The following CNTNAP5 variants were observed in gnomAD, a reference collection of about 807,000 sequenced individuals.
The protein encoded by CNTNAP5 is contactin associated protein family member 5, also known as contactin-associated protein-like 5.
CNTNAP5 carries 72 observed loss-of-function variants against 150.2 expected under a neutral mutation model. That is an observed-to-expected ratio of 0.48 (90% confidence interval 0.40 to 0.58). The LOEUF is 0.58. Among genes scored for constraint, CNTNAP5 ranks in the 20% least tolerant of loss-of-function variants. The pLI is 0.00. For missense variants in CNTNAP5, 1,636 were observed against 1,626.2 expected (o/e 1.01, Z -0.10); for synonymous variants, 672 against 619.8 (o/e 1.08, Z -1.25).
At chr2:124,474,054 ACTAT>A (rs1693582219) in intron 6 of CNTNAP5, among the ~76,000 whole-genome samples, 1 of 152,012 alleles carries the variant, frequency 6.6e-6, no homozygotes, top group South Asian at 2.1e-4. Context: ...TTCCTCCCAG[ACTAT>A]GCTTTATGCT....
intron 1 of CNTNAP5, among the ~76,000 whole-genome samples, chr2:124,219,251 GA>G (rs1686241356): frequency 1.3e-5 from 2 of 151,998 alleles, no homozygotes; most frequent in South Asian, 4.1e-4. Context: ...AATTTTATAA[GA>G]AAAGATTTAG....
At chr2:124,597,341 G>T (rs914631395) in intron 11 of CNTNAP5, among the ~76,000 whole-genome samples, 2 of 149,990 alleles carry the variant, frequency 1.3e-5, no homozygotes, top group Non-Finnish European at 3.0e-5. Flanking sequence ...AGGCCTGGTG[G>T]TGACAAAATC....
At chr2:124,263,758 C>A (rs1687526054) in intron 3 of CNTNAP5, among the ~76,000 whole-genome samples, 1 of 152,140 alleles carries the variant, frequency 6.6e-6, no homozygotes, top group Non-Finnish European at 1.5e-5. Context: ...CCCAGGTTTT[C>A]TTCTAGGGAT....
chr2:124,786,318 A>G (rs969653542), intron 17 of CNTNAP5, among the ~76,000 whole-genome samples: 5 of 148,406 alleles, frequency 3.4e-5, no homozygotes, highest in African/African-American at 1.3e-4. Flanking sequence ...AAGAAGAAAG[A>G]AAGGAAGAAA....
intron 14 of CNTNAP5, among the ~76,000 whole-genome samples, chr2:124,758,744 A>G (rs7560538): frequency 0.62 from 94,462 of 151,740 alleles, 30,128 homozygotes; most frequent in East Asian, 0.96. Context: ...GCATGCAAGC[A>G]GAAAGAGTGG....
intron 11 of CNTNAP5, among the ~76,000 whole-genome samples, chr2:124,571,426 A>C (rs1368102850): frequency 2.6e-5 from 4 of 151,904 alleles, no homozygotes; most frequent in Non-Finnish European, 5.9e-5. Context: ...GTACTACGGA[A>C]AGTGTAACCT....
intron 2 of CNTNAP5, among the ~76,000 whole-genome samples, chr2:124,230,144 T>C (rs1686578380): frequency 6.6e-6 from 1 of 152,132 alleles, no homozygotes; most frequent in Admixed American, 6.6e-5. Flanking sequence ...TGGCACAGAT[T>C]CCATGCACAC....
chr2:124,545,626 G>A (rs1275665821), intron 10 of CNTNAP5, among the ~76,000 whole-genome samples: 1 of 152,046 alleles, frequency 6.6e-6, no homozygotes, highest in Non-Finnish European at 1.5e-5. Context: ...GTGGTCCTGG[G>A]AATCTGTCAA....
chr2:124,197,697 T>C (rs939314482), intron 1 of CNTNAP5, among the ~76,000 whole-genome samples: 2 of 152,078 alleles, frequency 1.3e-5, no homozygotes, highest in Non-Finnish European at 2.9e-5. Context: ...TTACAAACAA[T>C]ACGGCCCGGC....
rs566543789 is a variant in CNTNAP5, at chr2:124,127,934, T to C, written c.83-93771T>C. Reference sequence around the variant, plus strand: ...TCAAGATGGAGTAAAGACTTAAATGTCAGACCTAAAACCATAAAAACCCTA... The same window carrying C: ...TCAAGATGGAGTAAAGACTTAAATGCCAGACCTAAAACCATAAAAACCCTA... On this transcript the variant is annotated intron_variant, in intron 1 of 23. Coordinates refer to ENST00000682447, the MANE Select transcript of CNTNAP5 (RefSeq NM_001367498.1). 2.6e-4 allele frequency among the ~76,000 whole-genome samples: 40 copies of C among 152,300 alleles called. No individual in the cohort carries two copies. In the South Asian group the frequency reaches 7.7e-3, roughly 29 times the overall value.
intron 19 of CNTNAP5, among the ~76,000 whole-genome samples, chr2:124,825,133 T>G (rs1022415696): frequency 1.3e-5 from 2 of 152,230 alleles, no homozygotes; most frequent in African/African-American, 4.8e-5. Flanking sequence ...CTATATATAC[T>G]GAGAGTGTTT....
chr2:124,442,271 G>A (rs554783346), intron 5 of CNTNAP5, among the ~76,000 whole-genome samples: 1 of 152,204 alleles, frequency 6.6e-6, no homozygotes, highest in African/African-American at 2.4e-5. Context: ...TGATGATGGT[G>A]GCAGTGGATG....
chr2:124,339,120 G>A (rs761212847), intron 3 of CNTNAP5, among the ~76,000 whole-genome samples: 12 of 152,062 alleles, frequency 7.9e-5, no homozygotes, highest in Non-Finnish European at 1.8e-4. Flanking sequence ...ACTTTGAGAG[G>A]TAAATTTTAT....
At chr2:124,553,590 C>T (rs773016206) in intron 10 of CNTNAP5, among the ~76,000 whole-genome samples, 53 of 150,992 alleles carry the variant, frequency 3.5e-4, no homozygotes, top group Non-Finnish European at 5.8e-4. Flanking sequence ...AATAAAATGA[C>T]GCAAAATGTT....
chr2:124,672,643 T>C (rs1339557486), intron 13 of CNTNAP5, among the ~76,000 whole-genome samples: 1 of 152,164 alleles, frequency 6.6e-6, no homozygotes, highest in Non-Finnish European at 1.5e-5. Flanking sequence ...TCTCATACTT[T>C]ATAAAACTGA....
intron 13 of CNTNAP5, among the ~76,000 whole-genome samples, chr2:124,721,029 A>C (rs1360788524): frequency 6.6e-6 from 1 of 152,060 alleles, no homozygotes; most frequent in Non-Finnish European, 1.5e-5. Context: ...TACCTCCTGA[A>C]GTGTGGAAAG....
intron 13 of CNTNAP5, among the ~76,000 whole-genome samples, chr2:124,695,704 AT>A (rs1384796809): frequency 6.6e-6 from 1 of 152,164 alleles, no homozygotes; most frequent in Non-Finnish European, 1.5e-5. Context: ...AGCAGCAGCA[AT>A]CTACATTGGG....
At chr2:124,853,101 G>A (rs1683189748) in intron 19 of CNTNAP5, among the ~76,000 whole-genome samples, 1 of 152,218 alleles carries the variant, frequency 6.6e-6, no homozygotes, top group Non-Finnish European at 1.5e-5. Context: ...AAGTGAAATG[G>A]TAAAGCAAGA....
intron 1 of CNTNAP5, 21 bp downstream of exon 1, chr2:124,025,753 G>T (rs984405147): frequency 6.3e-7 from 1 of 1,583,640 alleles, no homozygotes. Context: ...GGAGCTGGGG[G>T]CGGGAAGGTG....
Sources: allele counts gnomAD v4.1 joint callset (sites outside exome capture counted in the v4.1 genomes callset), GRCh38; gene constraint gnomAD v4.1.1; transcripts MANE v1.5; gene names NCBI Gene and HGNC (gene_info 2026-07-23, HGNC 2026-07-21).